Variants in ARFGEF3 observed in about 807,000 individuals in gnomAD.
ARFGEF3 encodes the protein ARFGEF family member 3, also known as brefeldin A-inhibited guanine nucleotide-exchange protein 3.
A neutral mutation model predicts 221.7 loss-of-function variants in ARFGEF3; 96 were observed. That is an observed-to-expected ratio of 0.43 (90% CI 0.37 to 0.51). The LOEUF is 0.51. Among genes scored for constraint, ARFGEF3 ranks in the 20% least tolerant of loss-of-function variants. The pLI, the probability that ARFGEF3 is intolerant of heterozygous loss-of-function variation, is 0.00. For missense variants in ARFGEF3, 2,410 were observed against 2,789.9 expected, an observed-to-expected ratio of 0.86 and a Z score of 3.07; for synonymous variants, 1,145 against 1,126.8, an observed-to-expected ratio of 1.02 and a Z score of -0.32.
chr6:138,270,427 G>GACACACACACACAC (rs3044804), intron 12 of ARFGEF3, among the ~76,000 whole-genome samples: 2,778 of 139,426 alleles, frequency 0.02, 55 homozygotes, highest in Middle Eastern at 0.04. Flanking sequence ...ATTTTACGTA[G>GACACACACACACAC]ACACACACAC....
At chr6:138,249,945 CCGTGCACCAGCTG>C (rs764433824) in intron 8 of ARFGEF3, among the ~76,000 whole-genome samples, 56 of 152,272 alleles carry the variant, frequency 3.7e-4, no homozygotes, top group Non-Finnish European at 7.5e-4. Flanking sequence ...TAAGATAGTC[CCGTGCACCAGCTG>C]CTCTCAGTCT....
chr6:138,270,322 A>G lies in ARFGEF3; in HGVS notation c.2128+6711A>G, dbSNP rs955210191. Among the ~76,000 whole-genome samples, 5 of 152,146 alleles carry G rather than the reference A, an allele frequency of 3.3e-5. No individual in the cohort carries two copies. In the South Asian group the frequency reaches 6.2e-4, roughly 19 times the overall value. ...TATTGTAATGTCATTGGTGAATTCC[A>G]TTCTTGAATGTTGTCTCAGACAGAA... On this transcript the variant is annotated intron_variant, in intron 12 of 33. Coordinates refer to ENST00000251691, the MANE Select transcript of ARFGEF3 (RefSeq NM_020340.5).
At chr6:138,275,060 T>C (rs1779071959) in intron 12 of ARFGEF3, among the ~76,000 whole-genome samples, 1 of 152,040 alleles carries the variant, frequency 6.6e-6, no homozygotes, top group African/African-American at 2.4e-5. Context: ...TGAGCTGAGA[T>C]TGTGCCATTG....
In ARFGEF3 at chr6:138,262,866, G is replaced by C; in HGVS notation, c.1383G>C (p.Leu461=). ...VQLLLLRLEE[L]KDGAEWSRDS... The stretch of plus-strand genomic sequence containing the variant: ...TGCTGCTTCTGCGCCTTGAGGAGCT[G>C]AAGGATGGGGCTGAGTGGAGCCGAG... Residue 461 remains leucine, a synonymous_variant, in exon 12 of 34, where the codon CTG becomes CTC. Coordinates refer to ENST00000251691, the MANE Select transcript of ARFGEF3 (RefSeq NM_020340.5). 2 of 1,613,966 alleles carry C rather than the reference G, an allele frequency of 1.2e-6. No homozygotes were observed. Among genetic ancestry groups the C allele is most frequent in the Non-Finnish European group, 1.7e-6 (2 of 1,179,850 alleles).
chr6:138,291,361 T>C lies in ARFGEF3; in HGVS notation c.3048-372T>C, dbSNP rs907732639. ...TTCCCAACTCCTAATCAGAGCACTA[T>C]ATGGAGGGAAAGAGGGTGCCTGGGG... On this transcript the variant is annotated intron_variant, in intron 18 of 33. Coordinates refer to ENST00000251691, the MANE Select transcript of ARFGEF3 (RefSeq NM_020340.5). This position sits in a 1 kb window ranked among gnomAD's most constrained non-coding sequence, Gnocchi z 4.5. Among the ~76,000 whole-genome samples, 11 of 152,072 alleles carry C rather than the reference T, an allele frequency of 7.2e-5. No homozygotes were observed. The highest frequency in any genetic ancestry group is 2.7e-4 in the African/African-American group (11 of 41,470).
At chr6:138,315,659 G>T (rs1367606991) in intron 26 of ARFGEF3, among the ~76,000 whole-genome samples, 1 of 152,108 alleles carries the variant, frequency 6.6e-6, no homozygotes, top group African/African-American at 2.4e-5. Flanking sequence ...AGACCAGCCT[G>T]GCCAACATGG....
chr6:138,234,474 C>CTG (rs760043386), intron 5 of ARFGEF3, among the ~76,000 whole-genome samples: 74 of 143,760 alleles, frequency 5.1e-4, no homozygotes, highest in Non-Finnish European at 8.2e-4. Context: ...TCAGTTCACC[C>CTG]CGTGTGTGTG....
rs1361284377 is a variant in ARFGEF3 at position 138,238,367 on chromosome 6, TA to T, written c.421-141del. 5.9e-6 allele frequency: 4 copies of T among 675,130 alleles called. No individual in the cohort carries two copies. In the Admixed American group the frequency reaches 1.3e-4, roughly 22 times the overall value. The allele number at this position is 675,130 out of a possible 1,614,324, so 41.8% of individuals were successfully genotyped here. ...TCCAGGGATTTAAAATATATTTAGT[TA>T]TATTTAGTAATAACCAGTCCTAAAT... On this transcript the variant is annotated intron_variant, in intron 5 of 33. Transcript: ENST00000251691.
At chr6:138,290,793 C>T (rs1350869105) in intron 18 of ARFGEF3, among the ~76,000 whole-genome samples, 1 of 152,180 alleles carries the variant, frequency 6.6e-6, no homozygotes, top group African/African-American at 2.4e-5. Context: ...AGGGCAATGG[C>T]CAATGGCCCA....
At chr6:138,305,290 CAA>C (rs148768146) in intron 22 of ARFGEF3, among the ~76,000 whole-genome samples, 3 of 137,188 alleles carry the variant, frequency 2.2e-5, no homozygotes, top group Admixed American at 7.4e-5. Flanking sequence ...TGAAATTAGA[CAA>C]AAAAAAAAAA....
Position 138,165,137 on chromosome 6 carries a change from G to C in ARFGEF3, c.85+2966G>C, listed in dbSNP as rs181445290. Reference sequence around the variant, plus strand: ...CCCCCTCTGAGACCCTCATGAGAGAGAGGGGGCATCCCCGTCTGAGACCCT... The same window carrying C: ...CCCCCTCTGAGACCCTCATGAGAGACAGGGGGCATCCCCGTCTGAGACCCT... On this transcript the variant is annotated intron_variant, in intron 1 of 33. Transcript: ENST00000251691. Among the ~76,000 whole-genome samples the C allele has an allele frequency of 1.5e-4, 23 of 151,018 alleles. No individual in the cohort carries two copies. The East Asian group carries it at 4.3e-3, about 28-fold the overall frequency.
rs1357254638 is a variant in ARFGEF3, at chr6:138,291,966, G to T, written c.3281G>T (p.Gly1094Val). 3.3e-6 allele frequency: 5 copies of T among 1,534,626 alleles called. No homozygotes were observed. The South Asian group carries it at 4.9e-5, about 15-fold the overall frequency. Reference protein sequence around the residue: ...IQDLVREGSRGRASDFRGGSL... With the variant: ...IQDLVREGSRVRASDFRGGSL... ...GACCTCGTCCGGGAAGGCAGCCGGG[G>T]TCGGGCCTCCGACTTCCGCGGCGGG... The change falls in exon 19 of 34, where the codon GGT becomes GTT. Residue 1094 changes from glycine (G) to valine (V), a missense_variant. Around this residue, in one of 5 missense-constraint regions of ARFGEF3, gnomAD observed 184 missense variants for 141.8 expected, o/e 1.30. Transcript: ENST00000251691. This position sits in a 1 kb window ranked among gnomAD's most constrained non-coding sequence, Gnocchi z 4.5.
intron 5 of ARFGEF3, among the ~76,000 whole-genome samples, chr6:138,236,444 C>G (rs1778289160): frequency 6.6e-6 from 1 of 152,160 alleles, no homozygotes; most frequent in Admixed American, 6.5e-5. Context: ...GTTTTAAAAC[C>G]ATTTCATCGC....
At position 138,326,370 on chromosome 6, in the gene ARFGEF3, C is replaced by T. The variant is rs140693596; in HGVS notation, c.5002-1651C>T. On this transcript the variant is annotated intron_variant, in intron 31 of 33. Transcript: ENST00000251691. ...AGCCAAGGCAGGAGGATTGCTTGAG[C>T]CCAGGAGTGCAAGACCAGCCTAGGC... Among the ~76,000 whole-genome samples, 645 of 152,184 alleles carry T rather than the reference C, an allele frequency of 4.2e-3. 4 individuals are homozygous for T. Among genetic ancestry groups the T allele is most frequent in the African/African-American group, 0.014 (600 of 41,518 alleles).
At chr6:138,164,402 T>TCTTGCTAAGAGCAAATTC (rs1246910438) in intron 1 of ARFGEF3, among the ~76,000 whole-genome samples, 9 of 152,226 alleles carry the variant, frequency 5.9e-5, no homozygotes, top group African/African-American at 2.2e-4. Flanking sequence ...CTCTTGCTAG[T>TCTTGCTAAGAGCAAATTC]CCTTCTGTAG....
chr6:138,262,622 G>C, intron 11 of ARFGEF3, 79 bp from the exon 12 acceptor site: 1 of 1,411,470 alleles, frequency 7.1e-7, no homozygotes, highest in Non-Finnish European at 9.7e-7. Context: ...TGTTTGCCAG[G>C]CTAACACTCT....
Position 138,307,343 on chromosome 6 carries a change from C to T in ARFGEF3, c.3919C>T (p.His1307Tyr). The change falls in exon 23 of 34, where the codon CAT becomes TAT. Residue 1307 changes from histidine to tyrosine, a missense_variant. By Grantham distance (83) the His-to-Tyr change is moderately conservative. This residue lies in a region of ARFGEF3 where 723 missense variants were observed against 991.9 expected (regional missense o/e 0.73). Transcript: ENST00000251691. ...CTTGTTCAGTGCCCTGGAAACAGTG[C>T]ATGGCGGGAACAAGTCAGAGATGAA... ...RPLFSALETV[H>Y]GGNKSEMKEY... 6.2e-7 allele frequency: 1 copy of T among 1,613,934 alleles called. No individual in the cohort carries two copies. Among genetic ancestry groups the T allele is most frequent in the Non-Finnish European group, 8.5e-7 (1 of 1,179,824 alleles).
In ARFGEF3 at chr6:138,286,917, G is replaced by T. The variant is rs1779307750; in HGVS notation, c.2785+1G>T. Reference sequence around the variant, plus strand: ...GCCGCACGGCTGAGCTGCGCTCTAGGTACCAGCGGGAGTAGTGTTCCCTGG... The same window carrying T: ...GCCGCACGGCTGAGCTGCGCTCTAGTTACCAGCGGGAGTAGTGTTCCCTGG... On this transcript the variant is annotated splice_donor_variant, in intron 16 of 33. Coordinates refer to ENST00000251691, the MANE Select transcript of ARFGEF3 (RefSeq NM_020340.5). LOFTEE classifies it high-confidence loss of function. The T allele has an allele frequency of 6.2e-7, 1 of 1,612,690 alleles. No individual in the cohort carries two copies. The highest frequency in any genetic ancestry group is 8.5e-7 in the Non-Finnish European group (1 of 1,179,788).
At position 138,337,894 on chromosome 6, in the gene ARFGEF3, CATAATGA is replaced by C. The variant is rs1220877854; in HGVS notation, c.*1413_*1419del. 1.3e-5 allele frequency: 2 copies of C among 152,204 alleles called. No individual in the cohort carries two copies. Among genetic ancestry groups the C allele is most frequent in the African/African-American group, 4.8e-5 (2 of 41,446 alleles). 9.4% of individuals were successfully genotyped at this position (152,204 alleles called of 1,614,324 possible). Reference sequence around the variant, plus strand: ...TACATTATAATCTCCCAGCCCCATTCATAATGAATAAGTCACCCTTTAAATATAAGAC... The same window carrying C: ...TACATTATAATCTCCCAGCCCCATTCATAAGTCACCCTTTAAATATAAGAC... On this transcript the variant is annotated 3_prime_UTR_variant, in exon 34 of 34. Transcript: ENST00000251691.
Sources: gnomAD v4.1 joint callset for allele counts (sites outside exome capture counted in the v4.1 genomes callset) on GRCh38, gnomAD v4.1.1 for gene constraint, gnomAD v4.1.1 regional missense constraint, Gnocchi (gnomAD v3.1) non-coding constraint, MANE v1.5 for transcripts, NCBI Gene and HGNC (gene_info 2026-07-23, HGNC 2026-07-21) for gene names.